PLCXD3: variants seen among roughly 807,000 people sequenced by gnomAD.
PLCXD3 encodes the protein PI-PLC X domain-containing protein 3.
PLCXD3 carries 19 observed loss-of-function variants against 25.5 expected under a neutral mutation model. The observed-to-expected ratio is 0.75, with a 90% CI of 0.52 to 1.09. The LOEUF is 1.09. Among genes scored for constraint, PLCXD3 ranks in the 50% least tolerant of loss-of-function variants. The pLI is 0.00. For synonymous variants in PLCXD3, 174 were observed against 137.6 expected, an observed-to-expected ratio of 1.26 and a Z score of -1.85; for missense variants, 411 against 388.1, an observed-to-expected ratio of 1.06 and a Z score of -0.50.
chr5:41,438,406 G>C (rs1278511876), intron 1 of PLCXD3, among the ~76,000 whole-genome samples: 1 of 152,150 alleles, frequency 6.6e-6, no homozygotes, highest in Admixed American at 6.5e-5. Context: ...CCTGGATGAA[G>C]CCTGCCCTTT....
At chr5:41,466,164 A>T (rs1295303712) in intron 1 of PLCXD3, among the ~76,000 whole-genome samples, 1 of 152,138 alleles carries the variant, frequency 6.6e-6, no homozygotes, top group African/African-American at 2.4e-5. Flanking sequence ...ACCTTAAAAT[A>T]CAACTGCTTA....
At chr5:41,344,001 AC>A (rs1744235633) in intron 2 of PLCXD3, among the ~76,000 whole-genome samples, 1 of 152,078 alleles carries the variant, frequency 6.6e-6, no homozygotes, top group South Asian at 2.1e-4. Flanking sequence ...ATTTGCTCTA[AC>A]TTTTAAATGG....
At chr5:41,469,952 T>A (rs139933649) in intron 1 of PLCXD3, among the ~76,000 whole-genome samples, 1 of 152,302 alleles carries the variant, frequency 6.6e-6, no homozygotes. Context: ...GTGAGTGAGA[T>A]GGAGAATGAG....
chr5:41,368,166 G>A (rs571902949), intron 2 of PLCXD3, among the ~76,000 whole-genome samples: 54 of 152,192 alleles, frequency 3.5e-4, no homozygotes, highest in Middle Eastern at 3.4e-3. Flanking sequence ...TCCTTGAAGA[G>A]GTCCTTCACT....
chr5:41,382,272 ATT>A lies in PLCXD3; in HGVS notation c.364_365del (p.Asn122Ter). On this transcript the variant is annotated frameshift_variant, in exon 2 of 3. Transcript: ENST00000377801. LOFTEE classifies it high-confidence loss of function. ...FAHGLFSAKVNEGLEEINAFL... is the reference protein window; with the variant it reads ...FAHGLFSAKVXEGLEEINAFL... ...ATGCATTGATCTCCTCAAGGCCTTC[ATT>A]GACTTTGGCACTGAACAAACCATGA... is the stretch of plus-strand genomic sequence containing the variant. 6.2e-7 allele frequency: 1 copy of A among 1,613,692 alleles called. No homozygotes were observed. Among genetic ancestry groups the A allele is most frequent in the Non-Finnish European group, 8.5e-7 (1 of 1,179,744 alleles).
intron 1 of PLCXD3, among the ~76,000 whole-genome samples, chr5:41,496,611 A>C (rs1331615110): frequency 1.4e-5 from 2 of 142,776 alleles, no homozygotes; most frequent in Non-Finnish European, 3.0e-5. Flanking sequence ...AAGGAAAGGT[A>C]AAGCTTTTCC....
At chr5:41,427,894 A>G (rs1746999640) in intron 1 of PLCXD3, among the ~76,000 whole-genome samples, 1 of 152,284 alleles carries the variant, frequency 6.6e-6, no homozygotes, top group South Asian at 2.1e-4. Context: ...TGGGAAACAT[A>G]TTTTTTAATG....
chr5:41,332,063 C>A (rs1347291459), intron 2 of PLCXD3, among the ~76,000 whole-genome samples: 2 of 152,148 alleles, frequency 1.3e-5, no homozygotes, highest in Non-Finnish European at 2.9e-5. Flanking sequence ...ACACGAAAAG[C>A]AATGGCAACA....
chr5:41,456,529 C>T (rs2150515779), intron 1 of PLCXD3: 2 of 931,052 alleles, frequency 2.1e-6, no homozygotes, highest in South Asian at 9.9e-5. Context: ...AAAACAAGTT[C>T]TTAATCTCTA....
chr5:41,440,063 T>C (rs2150511254), intron 1 of PLCXD3, among the ~76,000 whole-genome samples: 1 of 152,134 alleles, frequency 6.6e-6, no homozygotes, highest in African/African-American at 2.4e-5. Flanking sequence ...TGGGCCTGAC[T>C]TGTATGATGG....
At chr5:41,418,793 G>C (rs1580363332) in intron 1 of PLCXD3, among the ~76,000 whole-genome samples, 1 of 152,152 alleles carries the variant, frequency 6.6e-6, no homozygotes, top group South Asian at 2.1e-4. Flanking sequence ...CAATGACACT[G>C]AATCAGTCAT....
intron 2 of PLCXD3, among the ~76,000 whole-genome samples, chr5:41,327,716 C>T (rs1456230437): frequency 6.6e-6 from 1 of 152,154 alleles, no homozygotes; most frequent in Non-Finnish European, 1.5e-5. Context: ...ATAGAATGGT[C>T]TACTTTAGTA....
intron 1 of PLCXD3, among the ~76,000 whole-genome samples, chr5:41,397,538 G>T (rs1429421850): frequency 1.3e-5 from 2 of 152,174 alleles, no homozygotes; most frequent in Admixed American, 6.5e-5. Context: ...CTGTATGAGG[G>T]CAGTGCAGAG....
chr5:41,361,524 G>C (rs1480208270), intron 2 of PLCXD3, among the ~76,000 whole-genome samples: 2 of 152,226 alleles, frequency 1.3e-5, no homozygotes, highest in Non-Finnish European at 1.5e-5. Context: ...GGAGCTGCAA[G>C]CTAGCCTTGC....
chr5:41,457,508 C>T (rs1202151270), intron 1 of PLCXD3, among the ~76,000 whole-genome samples: 1 of 151,890 alleles, frequency 6.6e-6, no homozygotes, highest in African/African-American at 2.4e-5. Context: ...CCCAGCATAA[C>T]CTGCATGTAG....
intron 2 of PLCXD3, among the ~76,000 whole-genome samples, chr5:41,315,743 G>A (rs1167260332): frequency 6.6e-6 from 1 of 152,140 alleles, no homozygotes; most frequent in Non-Finnish European, 1.5e-5. Flanking sequence ...CTGGGCTCTG[G>A]GCAAGGGAGA....
At chr5:41,410,025 T>A (rs1325337471) in intron 1 of PLCXD3, among the ~76,000 whole-genome samples, 1 of 152,162 alleles carries the variant, frequency 6.6e-6, no homozygotes, top group Non-Finnish European at 1.5e-5. Flanking sequence ...ACTGAGAGAT[T>A]ACAAACAACA....
chr5:41,462,721 G>T (rs1747917691), intron 1 of PLCXD3, among the ~76,000 whole-genome samples: 1 of 151,828 alleles, frequency 6.6e-6, no homozygotes, highest in Non-Finnish European at 1.5e-5. Flanking sequence ...GGGGGCAGAG[G>T]TTGCAGTGAG....
At chr5:41,398,974 A>G (rs950310746) in intron 1 of PLCXD3, among the ~76,000 whole-genome samples, 1 of 152,228 alleles carries the variant, frequency 6.6e-6, no homozygotes, top group Non-Finnish European at 1.5e-5. Context: ...GAGAACAACT[A>G]TTAGAACTTA....
Sources: allele counts gnomAD v4.1 joint callset (sites outside exome capture counted in the v4.1 genomes callset), GRCh38; gene constraint gnomAD v4.1.1; transcripts MANE v1.5; gene names NCBI Gene and HGNC (gene_info 2026-07-23, HGNC 2026-07-21).